Variants in ZNF554 observed in about 807,000 individuals in gnomAD.
The protein encoded by ZNF554 is zinc finger protein 554.
ZNF554 carries 15 observed loss-of-function variants against 21.2 expected under a neutral mutation model. The ratio of observed to expected loss-of-function variants is 0.71; its 90% CI spans 0.47 to 1.09. The LOEUF (loss-of-function observed/expected upper bound fraction) is 1.09, where lower values mean the gene tolerates loss of function less well. ZNF554 is among the 50% of genes least tolerant of loss of function. The pLI is 0.00. For missense variants in ZNF554, 691 were observed against 662.7 expected (o/e 1.04, Z -0.47); for synonymous variants, 258 against 251.4 (o/e 1.03, Z -0.25).
chr19:2,836,002 T>G lies in ZNF554; in HGVS notation c.*1150T>G, dbSNP rs2087492683. 6.6e-6 allele frequency among the ~76,000 whole-genome samples: 1 copy of G among 152,094 alleles called. No homozygotes were observed. Among genetic ancestry groups the G allele is most frequent in the South Asian group, 2.1e-4 (1 of 4,822 alleles). ...CACCGCTACCACACCCAGCTAAATT[T>G]TTTTTTTGTATTTTTGTAGTGATGG... is the stretch of plus-strand genomic sequence containing the variant. On this transcript the variant is annotated 3_prime_UTR_variant, in exon 5 of 5. Coordinates refer to ENST00000317243, the MANE Select transcript of ZNF554 (RefSeq NM_001102651.2).
chr19:2,833,712 A>G lies in ZNF554; in HGVS notation c.477A>G (p.Ser159=), dbSNP rs746933931. The G allele has an allele frequency of 5.9e-6, 9 of 1,535,514 alleles. No homozygotes were observed. The highest frequency in any genetic ancestry group is 6.1e-6 in the Non-Finnish European group (7 of 1,142,246). The change falls in exon 5 of 5, where the codon TCA becomes TCG. Residue 159 remains serine, a synonymous_variant. Transcript: ENST00000317243. ...TGACTGTACTAAGAAACCAAGACTCAACTTACAAGAAGGTGGCTTTGCAGG... is the reference window on the plus strand; with the variant it reads ...TGACTGTACTAAGAAACCAAGACTCGACTTACAAGAAGGTGGCTTTGCAGG... The part of the protein sequence containing the change: ...DWMTVLRNQD[S]TYKKVALQEE...
Position 2,834,860 on chromosome 19 carries a change from A to G in ZNF554, c.*8A>G. On this transcript the variant is annotated 3_prime_UTR_variant, in exon 5 of 5. Coordinates refer to ENST00000317243, the MANE Select transcript of ZNF554 (RefSeq NM_001102651.2). ...CATCTTATTGGATATTAGCAATTGCACGCTGCTTTGTAAGCCACTTTTTAG... is the reference window on the plus strand; with the variant it reads ...CATCTTATTGGATATTAGCAATTGCGCGCTGCTTTGTAAGCCACTTTTTAG... The G allele has an allele frequency of 6.4e-7, 1 of 1,566,032 alleles. No individual in the cohort carries two copies. Among genetic ancestry groups the G allele is most frequent in the South Asian group, 1.2e-5 (1 of 84,330 alleles).
Position 2,833,759 on chromosome 19 carries a change from A to G in ZNF554, c.524A>G (p.Asn175Ser). 6.3e-7 allele frequency: 1 copy of G among 1,597,110 alleles called. No individual in the cohort carries two copies. Among genetic ancestry groups the G allele is most frequent in the South Asian group, 1.1e-5 (1 of 89,424 alleles). Reference protein sequence around the residue: ...ALQEEPASGINMIKLIREDGG... With the variant: ...ALQEEPASGISMIKLIREDGG... Reference sequence around the variant, plus strand: ...CAGGAGGAACCAGCCAGTGGTATAAATATGATAAAGCTTATCAGAGAAGAT... The same window carrying G: ...CAGGAGGAACCAGCCAGTGGTATAAGTATGATAAAGCTTATCAGAGAAGAT... Residue 175 changes from asparagine to serine, a missense_variant, in exon 5 of 5, where the codon AAT becomes AGT. Asn to Ser is a conservative substitution (Grantham distance 46). Transcript: ENST00000317243.
At chr19:2,832,135 A>G (rs894392152) in intron 3 of ZNF554, 168 bp from the exon 4 acceptor site, 3 of 524,698 alleles carry the variant, frequency 5.7e-6, no homozygotes, top group African/African-American at 3.9e-5. Flanking sequence ...CATGTTGGCC[A>G]GGCTGGTCTC....
chr19:2,834,554 A>G lies in ZNF554; in HGVS notation c.1319A>G (p.Glu440Gly), dbSNP rs745795809. Reference protein sequence around the residue: ...HTGEKPYECSECGKAFSDRSS... With the variant: ...HTGEKPYECSGCGKAFSDRSS... ...GGAGAGAAGCCCTACGAATGCAGTG[A>G]ATGTGGAAAGGCCTTCAGTGACCGT... Residue 440 changes from glutamate to glycine, a missense_variant, in exon 5 of 5, where the codon GAA becomes GGA. By Grantham distance (98) the Glu-to-Gly change is moderately conservative. Transcript: ENST00000317243. The G allele has an allele frequency of 6.2e-7, 1 of 1,614,110 alleles. No homozygotes were observed. The highest frequency in any genetic ancestry group is 8.5e-7 in the Non-Finnish European group (1 of 1,180,026).
intron 4 of ZNF554, among the ~76,000 whole-genome samples, 179 bp downstream of exon 4, chr19:2,832,673 C>A (rs186570791): frequency 3.2e-4 from 49 of 152,306 alleles, no homozygotes; most frequent in Admixed American, 1.2e-3. Flanking sequence ...CATGACCTCT[C>A]TCTGGATACA....
At chr19:2,828,298 C>G (rs1278275683) in intron 3 of ZNF554, among the ~76,000 whole-genome samples, 1 of 152,194 alleles carries the variant, frequency 6.6e-6, no homozygotes, top group East Asian at 1.9e-4. Context: ...ATAGCTGGAG[C>G]TGCAGTGCAA....
intron 2 of ZNF554, among the ~76,000 whole-genome samples, chr19:2,825,405 G>A (rs571507783): frequency 1.6e-4 from 25 of 152,060 alleles, no homozygotes; most frequent in Admixed American, 1.5e-3. Context: ...CCCACCTCCC[G>A]GGTTCAAGCG....
Position 2,823,120 on chromosome 19 carries a change from G to A in ZNF554, c.126+8G>A, listed in dbSNP as rs763456242. 8.1e-6 allele frequency: 13 copies of A among 1,611,416 alleles called. No homozygotes were observed. The South Asian group carries it at 1.2e-4, about 15-fold the overall frequency. On this transcript the variant is annotated splice_region_variant and intron_variant, in intron 2 of 4. Coordinates refer to ENST00000317243, the MANE Select transcript of ZNF554 (RefSeq NM_001102651.2). The stretch of plus-strand genomic sequence containing the variant: ...CTGCCCCGCTGGTCCCAGGTGAGAT[G>A]TCCTCATTCTCCCAAAGGGCACCCA...
rs75377257 is a variant in ZNF554, at chr19:2,835,328, C to G, written c.*476C>G. 6.4e-6 allele frequency: 1 copy of G among 155,770 alleles called. No individual in the cohort carries two copies. The highest frequency in any genetic ancestry group is 1.4e-5 in the Non-Finnish European group (1 of 70,244). 9.6% of individuals were successfully genotyped at this position (155,770 alleles called of 1,614,324 possible). A position where few individuals can be genotyped will look rare whatever the true frequency, so the allele number is the denominator to read the frequency against. ...TCTACTAAAAATACAAAAAAGTAGC[C>G]GGGCGTGGTGGTGGGCGCCTGTAGT... On this transcript the variant is annotated 3_prime_UTR_variant, in exon 5 of 5. Coordinates refer to ENST00000317243, the MANE Select transcript of ZNF554 (RefSeq NM_001102651.2).
chr19:2,828,368 A>G (rs939450203), intron 3 of ZNF554, among the ~76,000 whole-genome samples: 3 of 152,186 alleles, frequency 2.0e-5, no homozygotes, highest in Non-Finnish European at 4.4e-5. Flanking sequence ...ACAAAGTCAG[A>G]GTGTCTTAGT....
intron 2 of ZNF554, among the ~76,000 whole-genome samples, chr19:2,825,353 C>G (rs941249421): frequency 2.0e-5 from 3 of 152,122 alleles, no homozygotes; most frequent in African/African-American, 7.2e-5. Flanking sequence ...CTCTGTTGCC[C>G]AAGCTGAAGT....
intron 1 of ZNF554, among the ~76,000 whole-genome samples, chr19:2,820,529 C>T (rs1361919004): frequency 3.3e-5 from 5 of 152,106 alleles, no homozygotes; most frequent in African/African-American, 1.2e-4. Flanking sequence ...TAACTGGGGG[C>T]AGTTCCTGGC....
At chr19:2,820,684 C>CTTTT (rs762586098) in intron 1 of ZNF554, among the ~76,000 whole-genome samples, 3,381 of 103,168 alleles carry the variant, frequency 0.033, 436 homozygotes, top group African/African-American at 0.12. Context: ...AGCAAGGGTC[C>CTTTT]TTTTTTTTTT....
rs368722525 is a variant in ZNF554 at position 2,834,006 on chromosome 19, T to C, written c.771T>C (p.Asp257=). The change falls in exon 5 of 5, where the codon GAT becomes GAC. Residue 257 remains aspartate (D), a synonymous_variant. Transcript: ENST00000317243. ...TAGATATTACAAGCTTGGCATCCGA[T>C]TCAGTCTTAAACCACCATCAGCTGG... ...SELDITSLAS[D]SVLNHHQLGY... is the part of the protein sequence containing the mutation. 6 of 1,614,006 alleles carry C rather than the reference T, an allele frequency of 3.7e-6. No individual in the cohort carries two copies. In the African/African-American group the frequency reaches 8.0e-5, roughly 22 times the overall value.
Position 2,819,869 on chromosome 19 carries a change from G to A in ZNF554, c.-203G>A. ...CGCAGGTTCGGGGTGCGCAGGCGCA[G>A]TGCCGAGTTTACCTCTGCGCGCGTC... On this transcript the variant is annotated 5_prime_UTR_variant, in exon 1 of 5. In the 5' UTR this introduces an upstream ATG that the reference lacks. Coordinates refer to ENST00000317243, the MANE Select transcript of ZNF554 (RefSeq NM_001102651.2). 1 of 319,718 alleles carries A rather than the reference G, an allele frequency of 3.1e-6. No homozygotes were observed. Among genetic ancestry groups the A allele is most frequent in the Non-Finnish European group, 5.6e-6 (1 of 178,376 alleles). The allele number at this position is 319,718 out of a possible 1,614,324, so 19.8% of individuals were successfully genotyped here.
intron 3 of ZNF554, among the ~76,000 whole-genome samples, chr19:2,828,975 C>T (rs888298146): frequency 6.6e-6 from 1 of 151,944 alleles, no homozygotes; most frequent in Non-Finnish European, 1.5e-5. Flanking sequence ...AGATTTGGGT[C>T]GGGAGACAGC....
rs1176325469 is a variant in ZNF554 at position 2,823,247 on chromosome 19, GA to G, written c.126+136del. ...AGAATTCCCCAGGAGTGGTGTGTGG[GA>G]TGAGGTACTCCTGCTGCTCCCAGGT... On this transcript the variant is annotated intron_variant, in intron 2 of 4. Coordinates refer to ENST00000317243, the MANE Select transcript of ZNF554 (RefSeq NM_001102651.2). 1.9e-5 allele frequency: 16 copies of G among 823,046 alleles called. No homozygotes were observed. The Admixed American group carries it at 3.0e-4, about 15-fold the overall frequency. The allele number at this position is 823,046 out of a possible 1,614,324, so 51.0% of individuals were successfully genotyped here.
chr19:2,828,213 G>A (rs1442429107), intron 3 of ZNF554, among the ~76,000 whole-genome samples: 1 of 152,196 alleles, frequency 6.6e-6, no homozygotes, highest in African/African-American at 2.4e-5. Context: ...AAGTAAGACA[G>A]ACATGGGTCC....
Sources: gnomAD v4.1 joint callset for allele counts (sites outside exome capture counted in the v4.1 genomes callset) on GRCh38, gnomAD v4.1.1 for gene constraint, MANE v1.5 for transcripts, NCBI Gene and HGNC (gene_info 2026-07-23, HGNC 2026-07-21) for gene names.